PTPRD: variants seen among roughly 807,000 people sequenced by gnomAD.
The protein encoded by PTPRD is receptor-type tyrosine-protein phosphatase delta.
A neutral mutation model predicts 214.5 loss-of-function variants in PTPRD; 34 were observed. That is an observed-to-expected ratio of 0.16 (90% CI 0.12 to 0.21). The LOEUF (loss-of-function observed/expected upper bound fraction) is 0.21, where lower values mean the gene tolerates loss of function less well. Among genes scored for constraint, PTPRD ranks in the 10% least tolerant of loss-of-function variants. The pLI is 1.00. For missense variants in PTPRD, 2,545 were observed against 2,398.7 expected (o/e 1.06, Z -1.27); for synonymous variants, 1,128 against 845.7 (o/e 1.33, Z -5.79).
intron 10 of PTPRD, chr9:9,090,807 TTAA>T: frequency 1.4e-6 from 1 of 706,536 alleles, no homozygotes; most frequent in Non-Finnish European, 2.6e-6. Context: ...CAAATAACTC[TTAA>T]TGACATCTCA....
intron 9 of PTPRD, among the ~76,000 whole-genome samples, chr9:9,188,478 C>A (rs1246720822): frequency 6.6e-6 from 1 of 152,020 alleles, no homozygotes; most frequent in Non-Finnish European, 1.5e-5. Context: ...ACTTTTCCTG[C>A]AATATATGAG....
chr9:10,463,652 G>C (rs1446497161), intron 2 of PTPRD, among the ~76,000 whole-genome samples: 1 of 151,928 alleles, frequency 6.6e-6, no homozygotes, highest in Non-Finnish European at 1.5e-5. Context: ...GAGAACAAAA[G>C]CAAACTCTTT....
At chr9:8,844,573 C>T (rs1228536883) in intron 11 of PTPRD, among the ~76,000 whole-genome samples, 1 of 152,124 alleles carries the variant, frequency 6.6e-6, no homozygotes, top group African/African-American at 2.4e-5. Context: ...TAGAAACTAA[C>T]CATCTGTACA....
At chr9:10,053,938 T>C (rs1394841108) in intron 3 of PTPRD, among the ~76,000 whole-genome samples, 2 of 152,072 alleles carry the variant, frequency 1.3e-5, no homozygotes, top group African/African-American at 4.8e-5. Context: ...TTTGTGTTTT[T>C]AGTAAAGACG....
chr9:9,715,924 A>G (rs1219334642), intron 7 of PTPRD, among the ~76,000 whole-genome samples: 10 of 152,122 alleles, frequency 6.6e-5, no homozygotes, highest in Admixed American at 5.2e-4. Context: ...ACGTATGTAT[A>G]CATGTGCCAT....
chr9:9,134,141 C>T (rs1322206184), intron 10 of PTPRD, among the ~76,000 whole-genome samples: 1 of 127,726 alleles, frequency 7.8e-6, no homozygotes, highest in Non-Finnish European at 1.5e-5. Flanking sequence ...GGCGCAATCT[C>T]GGCTCACTGC....
chr9:8,383,696 G>A (rs532519520), intron 37 of PTPRD, among the ~76,000 whole-genome samples: 3 of 152,240 alleles, frequency 2.0e-5, no homozygotes, highest in African/African-American at 4.8e-5. Context: ...TAAAAATCAT[G>A]ACTGATTTGT....
At chr9:8,794,731 T>C (rs1331368220) in intron 11 of PTPRD, among the ~76,000 whole-genome samples, 2 of 152,026 alleles carry the variant, frequency 1.3e-5, no homozygotes, top group Non-Finnish European at 2.9e-5. Flanking sequence ...AGATTTTAAG[T>C]TCACTGACTT....
At chr9:9,709,438 A>T (rs1238056251) in intron 7 of PTPRD, among the ~76,000 whole-genome samples, 1 of 152,036 alleles carries the variant, frequency 6.6e-6, no homozygotes, top group Non-Finnish European at 1.5e-5. Context: ...AGGTAGGCCA[A>T]CACTCAGGTA....
chr9:9,249,388 C>T (rs1198239451), intron 9 of PTPRD, among the ~76,000 whole-genome samples: 1 of 152,014 alleles, frequency 6.6e-6, no homozygotes, highest in African/African-American at 2.4e-5. Flanking sequence ...CTCAGGTATT[C>T]CTTTAGTGCA....
At chr9:9,043,559 G>C (rs549969771) in intron 10 of PTPRD, among the ~76,000 whole-genome samples, 2 of 152,206 alleles carry the variant, frequency 1.3e-5, no homozygotes, top group East Asian at 3.9e-4. Flanking sequence ...ATCTTTAAAA[G>C]AAAAATGGTC....
intron 35 of PTPRD, among the ~76,000 whole-genome samples, chr9:8,427,050 G>A (rs969709688): frequency 6.6e-5 from 10 of 152,088 alleles, no homozygotes; most frequent in Admixed American, 6.5e-4. Context: ...ACTGGGAGGG[G>A]ACTCTGTACT....
chr9:8,352,733 G>A (rs1284522083), intron 39 of PTPRD, among the ~76,000 whole-genome samples: 1 of 152,184 alleles, frequency 6.6e-6, no homozygotes, highest in Non-Finnish European at 1.5e-5. Flanking sequence ...ACTTTGATTA[G>A]TTTGTAAGGC....
intron 8 of PTPRD, among the ~76,000 whole-genome samples, chr9:9,488,107 C>T (rs182236360): frequency 6.6e-6 from 1 of 152,080 alleles, no homozygotes; most frequent in Admixed American, 6.6e-5. Flanking sequence ...GAAATGGAGA[C>T]AGAAAGATAA....
chr9:8,331,844 GTAGAAA>G, intron 43 of PTPRD, 108 bp from the exon 44 acceptor site: 1 of 1,340,158 alleles, frequency 7.5e-7, no homozygotes, highest in South Asian at 1.6e-5. Context: ...AACAAAAAGG[GTAGAAA>G]AAGTTAGGAA....
chr9:8,342,005 C>G (rs201315409), intron 39 of PTPRD, 27 bp from the exon 40 acceptor site: 7 of 1,551,776 alleles, frequency 4.5e-6, no homozygotes, highest in Non-Finnish European at 6.1e-6. Flanking sequence ...GAAGAAAAGC[C>G]CAAATAAACC....
intron 3 of PTPRD, among the ~76,000 whole-genome samples, chr9:10,316,829 G>T (rs1037834242): frequency 1.3e-5 from 2 of 151,854 alleles, no homozygotes; most frequent in African/African-American, 4.8e-5. Flanking sequence ...GGTAAATACA[G>T]ATTCAACAAC....
intron 2 of PTPRD, among the ~76,000 whole-genome samples, chr9:10,519,725 T>TTTATTA (rs890943081): frequency 6.6e-6 from 1 of 151,916 alleles, no homozygotes; most frequent in Admixed American, 6.6e-5. Context: ...AATTTCCAAC[T>TTTATTA]TTATTATTAT....
intron 3 of PTPRD, among the ~76,000 whole-genome samples, chr9:10,077,099 G>A (rs1036421160): frequency 7.9e-5 from 12 of 152,040 alleles, no homozygotes; most frequent in African/African-American, 2.7e-4. Flanking sequence ...AAAACTTCAC[G>A]TTCATTTTAT....
Sources: gnomAD v4.1 joint callset for allele counts (sites outside exome capture counted in the v4.1 genomes callset) on GRCh38, gnomAD v4.1.1 for gene constraint, MANE v1.5 for transcripts, NCBI Gene and HGNC (gene_info 2026-07-23, HGNC 2026-07-21) for gene names.